CTNNA3: variants seen among roughly 807,000 people sequenced by gnomAD.
The protein encoded by CTNNA3 is catenin alpha-3.
In CTNNA3, 76 loss-of-function variants were observed where a neutral mutation model predicts 95.7. The ratio of observed to expected loss-of-function variants is 0.79; its 90% CI spans 0.66 to 0.96. The LOEUF is 0.96. Among genes scored for constraint, CTNNA3 ranks in the 40% least tolerant of loss-of-function variants. The pLI is 0.00. For synonymous variants in CTNNA3, 431 were observed against 374.4 expected, an observed-to-expected ratio of 1.15 and a Z score of -1.74; for missense variants, 1,191 against 1,089.8, an observed-to-expected ratio of 1.09 and a Z score of -1.31.
intron 15 of CTNNA3, among the ~76,000 whole-genome samples, chr10:66,010,678 G>A (rs948475411): frequency 1.2e-4 from 19 of 152,250 alleles, no homozygotes; most frequent in African/African-American, 4.3e-4. Flanking sequence ...GAATTGAGAT[G>A]TATGATTTAA....
At chr10:67,511,435 T>G (rs1839624563) in intron 5 of CTNNA3, among the ~76,000 whole-genome samples, 1 of 152,232 alleles carries the variant, frequency 6.6e-6, no homozygotes, top group South Asian at 2.1e-4. Context: ...AGGCCTTTTC[T>G]GCATCTATTG....
intron 17 of CTNNA3, among the ~76,000 whole-genome samples, chr10:65,935,348 T>C (rs1231409143): frequency 6.6e-6 from 1 of 152,110 alleles, no homozygotes; most frequent in African/African-American, 2.4e-5. Context: ...CTAACTTGGT[T>C]TTTTTTAATC....
intron 15 of CTNNA3, among the ~76,000 whole-genome samples, chr10:66,000,541 A>G (rs76842571): frequency 0.015 from 2,273 of 152,268 alleles, 63 homozygotes; most frequent in African/African-American, 0.052. Context: ...TATTCCCTAA[A>G]TCGTTGAAAA....
chr10:67,211,454 A>T (rs556018763), intron 6 of CTNNA3, among the ~76,000 whole-genome samples: 1 of 152,184 alleles, frequency 6.6e-6, no homozygotes, highest in Admixed American at 6.5e-5. Flanking sequence ...TTATTTAATC[A>T]TCAAGATAAA....
intron 1 of CTNNA3, among the ~76,000 whole-genome samples, chr10:67,674,173 G>A (rs1039537876): frequency 6.6e-6 from 1 of 152,018 alleles, no homozygotes; most frequent in Non-Finnish European, 1.5e-5. Context: ...CGTTAAAGAG[G>A]TGATTAGGTT....
At chr10:66,663,869 T>C (rs935592431) in intron 9 of CTNNA3, among the ~76,000 whole-genome samples, 7 of 152,150 alleles carry the variant, frequency 4.6e-5, no homozygotes, top group Non-Finnish European at 7.4e-5. Flanking sequence ...GAATTAAACA[T>C]AGTTTTCTCC....
intron 13 of CTNNA3, among the ~76,000 whole-genome samples, chr10:66,240,676 G>A (rs149454026): frequency 4.6e-5 from 7 of 151,838 alleles, no homozygotes; most frequent in Non-Finnish European, 5.9e-5. Flanking sequence ...TGAAAAACAG[G>A]GATAACTGAA....
At chr10:67,210,925 G>A (rs895150049) in intron 6 of CTNNA3, among the ~76,000 whole-genome samples, 2 of 151,878 alleles carry the variant, frequency 1.3e-5, no homozygotes, top group African/African-American at 2.4e-5. Flanking sequence ...CCTAGTTAAC[G>A]CTAAACTAAC....
At chr10:66,931,010 C>T (rs964639636) in intron 7 of CTNNA3, among the ~76,000 whole-genome samples, 2 of 152,080 alleles carry the variant, frequency 1.3e-5, no homozygotes, top group Admixed American at 1.3e-4. Context: ...ACGCCAACTG[C>T]CAGTCTCCTG....
intron 13 of CTNNA3, among the ~76,000 whole-genome samples, chr10:66,136,191 C>T (rs1265037482): frequency 1.3e-5 from 2 of 152,132 alleles, no homozygotes; most frequent in Non-Finnish European, 1.5e-5. Context: ...CGTGAGCCAC[C>T]GCGCCAGGCC....
At chr10:67,073,599 CAG>C (rs2131855120) in intron 7 of CTNNA3, among the ~76,000 whole-genome samples, 1 of 149,590 alleles carries the variant, frequency 6.7e-6, no homozygotes, top group South Asian at 2.1e-4. Flanking sequence ...ATTAAAAAAA[CAG>C]AGATACAAAA....
At chr10:67,081,810 T>G (rs1857073597) in intron 7 of CTNNA3, among the ~76,000 whole-genome samples, 1 of 152,198 alleles carries the variant, frequency 6.6e-6, no homozygotes, top group Admixed American at 6.5e-5. Context: ...GTCTCCCCTC[T>G]GAGGTCTTTC....
chr10:67,241,385 T>A (rs1865712721), intron 5 of CTNNA3, among the ~76,000 whole-genome samples: 1 of 151,622 alleles, frequency 6.6e-6, no homozygotes, highest in Admixed American at 6.6e-5. Flanking sequence ...ATCATGCCAC[T>A]GCCCTCTAGC....
intron 7 of CTNNA3, among the ~76,000 whole-genome samples, chr10:67,135,152 A>C (rs969413261): frequency 1.3e-5 from 2 of 152,066 alleles, no homozygotes; most frequent in Non-Finnish European, 2.9e-5. Flanking sequence ...AGAATGAAAT[A>C]GTATAATGAT....
At chr10:66,718,649 T>A (rs1848530740) in intron 9 of CTNNA3, among the ~76,000 whole-genome samples, 1 of 149,376 alleles carries the variant, frequency 6.7e-6, no homozygotes, top group Admixed American at 6.7e-5. Flanking sequence ...AATGTAAATA[T>A]CATTAATAAT....
chr10:67,725,921 A>AT (rs1841208688), intron 1 of CTNNA3, among the ~76,000 whole-genome samples: 2 of 137,856 alleles, frequency 1.5e-5, no homozygotes, highest in Admixed American at 1.6e-4. Flanking sequence ...ATTGTACATA[A>AT]TATATAATTA....
At chr10:66,061,485 C>T (rs16922444) in intron 15 of CTNNA3, among the ~76,000 whole-genome samples, 114 of 152,204 alleles carry the variant, frequency 7.5e-4, no homozygotes, top group African/African-American at 2.6e-3. Flanking sequence ...TACAGTGCCA[C>T]GCATAAATGC....
chr10:67,403,284 G>C (rs1014463745), intron 5 of CTNNA3: 1 of 152,336 alleles, frequency 6.6e-6, no homozygotes, highest in Non-Finnish European at 1.5e-5. Flanking sequence ...CATATTCTAG[G>C]AAAGAACTCT....
chr10:66,155,110 T>G (rs1336920793), intron 13 of CTNNA3, among the ~76,000 whole-genome samples: 1 of 151,800 alleles, frequency 6.6e-6, no homozygotes, highest in Non-Finnish European at 1.5e-5. Flanking sequence ...AAGAGTATAG[T>G]GTGAAACAAT....
Sources: allele counts gnomAD v4.1 joint callset (sites outside exome capture counted in the v4.1 genomes callset), GRCh38; gene constraint gnomAD v4.1.1; transcripts MANE v1.5; gene names NCBI Gene and HGNC (gene_info 2026-07-23, HGNC 2026-07-21).